CHD3: variants seen among roughly 807,000 people sequenced by gnomAD.
CHD3 encodes the protein ATP-dependent chromatin remodeler CHD3.
CHD3 carries 52 observed loss-of-function variants against 248.9 expected under a neutral mutation model. The ratio of observed to expected loss-of-function variants is 0.21; its 90% CI spans 0.17 to 0.26. CHD3 has a LOEUF of 0.26. Among genes scored for constraint, CHD3 ranks in the 10% least tolerant of loss-of-function variants. The pLI is 1.00. For missense variants in CHD3, 1,482 were observed against 2,605.8 expected (o/e 0.57, Z 9.39); for synonymous variants, 985 against 985.2 (o/e 1.00, Z 0.00).
In CHD3 at chr17:7,906,742, TCTCTGTCCTTCCTCTGC is replaced by T. The variant is rs1971004921; in HGVS notation, c.4503+54_4503+70del. 1 of 1,584,766 alleles carries T rather than the reference TCTCTGTCCTTCCTCTGC, an allele frequency of 6.3e-7. No individual in the cohort carries two copies. The highest frequency in any genetic ancestry group is 1.2e-5 in the South Asian group (1 of 86,172). On this transcript the variant is annotated intron_variant, in intron 29 of 39. Transcript: ENST00000330494. The surrounding 1 kb of genome is among the most constrained non-coding windows in gnomAD (Gnocchi z 5.0). ...CCAAAGAATCAAGCTGGCTGCCTAGTCTCTGTCCTTCCTCTGCCTCTGTCCCTGAGTTGTAAGCTTGC... is the reference window on the plus strand; with the variant it reads ...CCAAAGAATCAAGCTGGCTGCCTAGTCTCTGTCCCTGAGTTGTAAGCTTGC...
chr17:7,884,812 T>C (rs1967484971), upstream of CHD3: 2 of 670,374 alleles, frequency 3.0e-6, no homozygotes, highest in East Asian at 5.0e-5. Context: ...ACAGGATGGC[T>C]TCCCCTCTGA....
chr17:7,900,515 G>A lies in CHD3; in HGVS notation c.2805-43G>A, dbSNP rs1005735392. ...GTGGTAAGTCTGAGATCAGGGGCAAGGAACTTGCCGACCTGTTAATTTTCT... is the reference window on the plus strand; with the variant it reads ...GTGGTAAGTCTGAGATCAGGGGCAAAGAACTTGCCGACCTGTTAATTTTCT... On this transcript the variant is annotated intron_variant, in intron 17 of 39. Transcript: ENST00000330494. This position sits in a 1 kb window ranked among gnomAD's most constrained non-coding sequence, Gnocchi z 6.5. 6.2e-7 allele frequency: 1 copy of A among 1,609,588 alleles called. No individual in the cohort carries two copies. Among genetic ancestry groups the A allele is most frequent in the Non-Finnish European group, 8.5e-7 (1 of 1,176,462 alleles).
At chr17:7,887,002 C>G (rs1274902223), upstream of CHD3, among the ~76,000 whole-genome samples, 1 of 152,136 alleles carries the variant, frequency 6.6e-6, no homozygotes, top group East Asian at 1.9e-4. Flanking sequence ...CCCCTCTCCC[C>G]CTGGGCAATT....
Position 7,897,578 on chromosome 17 carries a change from G to A in CHD3, c.1919+284G>A, listed in dbSNP as rs1969841170. 6.6e-6 allele frequency among the ~76,000 whole-genome samples: 1 copy of A among 152,046 alleles called. No homozygotes were observed. Among genetic ancestry groups the A allele is most frequent in the Non-Finnish European group, 1.5e-5 (1 of 68,016 alleles). On this transcript the variant is annotated intron_variant, in intron 11 of 39. Transcript: ENST00000330494. This position sits in a 1 kb window ranked among gnomAD's most constrained non-coding sequence, Gnocchi z 4.8. The stretch of plus-strand genomic sequence containing the variant: ...GGATGAGGGCATGAAAGCAAAACAT[G>A]AGAGACATAATTCATCCAGACCAGT...
Position 7,888,959 on chromosome 17 carries a change from A to C in CHD3, c.-42A>C. 6.2e-7 allele frequency: 1 copy of C among 1,613,822 alleles called. No homozygotes were observed. Among genetic ancestry groups the C allele is most frequent in the East Asian group, 2.2e-5 (1 of 44,878 alleles). On this transcript the variant is annotated 5_prime_UTR_variant, in exon 1 of 40. Coordinates refer to ENST00000330494, the MANE Select transcript of CHD3 (RefSeq NM_001005273.3). ...GAAGGTAGGTTTTAGGCTACTTGGG[A>C]GGAGGAATATTTAGGTAATTGTGGA... is the stretch of plus-strand genomic sequence containing the variant.
intron 10 of CHD3, among the ~76,000 whole-genome samples, chr17:7,896,179 G>T (rs948552890): frequency 7.5e-5 from 10 of 132,632 alleles, no homozygotes; most frequent in African/African-American, 3.0e-4. Flanking sequence ...AGTGAGCCAA[G>T]ATCGTGTCCC....
At chr17:7,885,559 C>T (rs1278288261), upstream of CHD3, among the ~76,000 whole-genome samples, 1 of 151,088 alleles carries the variant, frequency 6.6e-6, no homozygotes, top group Non-Finnish European at 1.5e-5. Context: ...GGGAGGGGCA[C>T]GTGGGGGAGG....
chr17:7,899,725 C>T lies in CHD3; in HGVS notation c.2545-171C>T, dbSNP rs916662740. 1.7e-4 allele frequency among the ~76,000 whole-genome samples: 26 copies of T among 152,066 alleles called. No homozygotes were observed. Among genetic ancestry groups the T allele is most frequent in the Non-Finnish European group, 2.9e-5 (2 of 68,020 alleles). ...CTCCCAGGGGCATACATGGATCTGTCGGTACTGGAAATGTGGGCAGAGGTT... is the reference window on the plus strand; with the variant it reads ...CTCCCAGGGGCATACATGGATCTGTTGGTACTGGAAATGTGGGCAGAGGTT... On this transcript the variant is annotated intron_variant, in intron 15 of 39. Coordinates refer to ENST00000330494, the MANE Select transcript of CHD3 (RefSeq NM_001005273.3). The surrounding 1 kb of genome is among the most constrained non-coding windows in gnomAD (Gnocchi z 6.8).
At chr17:7,884,950 C>G (rs765541522), upstream of CHD3, 4 of 1,328,956 alleles carry the variant, frequency 3.0e-6, no homozygotes, top group East Asian at 1.0e-4. Context: ...AGGACGACGA[C>G]GAGGGAGTAC....
chr17:7,908,527 A>T lies in CHD3; in HGVS notation c.5261+17A>T. 1 of 1,591,506 alleles carries T rather than the reference A, an allele frequency of 6.3e-7. No homozygotes were observed. Among genetic ancestry groups the T allele is most frequent in the African/African-American group, 1.3e-5 (1 of 74,462 alleles). ...GATTGTCCTGTATCCTTTGATACAC[A>T]TGCAAGAAGGAAAAGGTTCTCTCAA... On this transcript the variant is annotated intron_variant, in intron 35 of 39. Coordinates refer to ENST00000330494, the MANE Select transcript of CHD3 (RefSeq NM_001005273.3). This position sits in a 1 kb window ranked among gnomAD's most constrained non-coding sequence, Gnocchi z 5.8.
chr17:7,900,129 G>C lies in CHD3; in HGVS notation c.2682+96G>C, dbSNP rs1970134989. On this transcript the variant is annotated intron_variant, in intron 16 of 39. Transcript: ENST00000330494. This position sits in a 1 kb window ranked among gnomAD's most constrained non-coding sequence, Gnocchi z 6.5. Reference sequence around the variant, plus strand: ...ACAAAAATTCTGGGGATTTTCTGTAGTCTGGGAGGACGTCCAGGTTGGAAG... The same window carrying C: ...ACAAAAATTCTGGGGATTTTCTGTACTCTGGGAGGACGTCCAGGTTGGAAG... 1 of 1,531,104 alleles carries C rather than the reference G, an allele frequency of 6.5e-7. No homozygotes were observed. Among genetic ancestry groups the C allele is most frequent in the African/African-American group, 1.4e-5 (1 of 72,504 alleles). The allele number at this position is 1,531,104 out of a possible 1,614,324, so 94.8% of individuals were successfully genotyped here.
In CHD3 at chr17:7,889,006, G is replaced by A; in HGVS notation, c.6G>A (p.Lys2=). The stretch of plus-strand genomic sequence containing the variant: ...TGGAGACTTTCTCCTGTGTGATGAA[G>A]GCGGCAGACACTGTGATCCTGTGGG... M[K]AADTVILWAR... Residue 2 remains lysine, a synonymous_variant, in exon 1 of 40, where the codon AAG becomes AAA. Transcript: ENST00000330494. This position sits in a 1 kb window ranked among gnomAD's most constrained non-coding sequence, Gnocchi z 4.5. 1 of 1,614,242 alleles carries A rather than the reference G, an allele frequency of 6.2e-7. No individual in the cohort carries two copies. The highest frequency in any genetic ancestry group is 8.5e-7 in the Non-Finnish European group (1 of 1,180,044).
In CHD3 at chr17:7,888,895, C is replaced by G. The variant is rs538010275; in HGVS notation, c.-106C>G. 5.1e-5 allele frequency: 79 copies of G among 1,556,372 alleles called. No individual in the cohort carries two copies. The East Asian group carries it at 1.7e-3, about 34-fold the overall frequency. On this transcript the variant is annotated 5_prime_UTR_variant, in exon 1 of 40. Coordinates refer to ENST00000330494, the MANE Select transcript of CHD3 (RefSeq NM_001005273.3). ...GATCGGGAAACAAAGGGTATGGCCCCCTAGTTCCCAAAGGGAGCAGGGAGA... is the reference window on the plus strand; with the variant it reads ...GATCGGGAAACAAAGGGTATGGCCCGCTAGTTCCCAAAGGGAGCAGGGAGA...
At position 7,889,394 on chromosome 17, in the gene CHD3, C is replaced by T. The variant is rs1968491047; in HGVS notation, c.101-270C>T. ...GACCTGCCACAGTCAGAGCCCATGGCCTGGAGCCTGGTCTCTTGTTAGTAG... is the reference window on the plus strand; with the variant it reads ...GACCTGCCACAGTCAGAGCCCATGGTCTGGAGCCTGGTCTCTTGTTAGTAG... On this transcript the variant is annotated intron_variant, in intron 1 of 39. Coordinates refer to ENST00000330494, the MANE Select transcript of CHD3 (RefSeq NM_001005273.3). This position sits in a 1 kb window ranked among gnomAD's most constrained non-coding sequence, Gnocchi z 4.5. 6.6e-6 allele frequency among the ~76,000 whole-genome samples: 1 copy of T among 152,226 alleles called. No individual in the cohort carries two copies. Among genetic ancestry groups the T allele is most frequent in the African/African-American group, 2.4e-5 (1 of 41,454 alleles).
At position 7,895,920 on chromosome 17, in the gene CHD3, A is replaced by G. The variant is rs902062773; in HGVS notation, c.1707+378A>G. Among the ~76,000 whole-genome samples the G allele has an allele frequency of 1.3e-5, 2 of 151,796 alleles. No homozygotes were observed. Among genetic ancestry groups the G allele is most frequent in the Non-Finnish European group, 2.9e-5 (2 of 67,944 alleles). On this transcript the variant is annotated intron_variant, in intron 10 of 39. Transcript: ENST00000330494. The surrounding 1 kb of genome is among the most constrained non-coding windows in gnomAD (Gnocchi z 4.9). Reference sequence around the variant, plus strand: ...AGCCTGGGCAACATAGTGAAACCCCATCTCTGTTTAAAAAAAAATTCTCGG... The same window carrying G: ...AGCCTGGGCAACATAGTGAAACCCCGTCTCTGTTTAAAAAAAAATTCTCGG...
At chr17:7,886,627 A>T (rs1379975056), upstream of CHD3, among the ~76,000 whole-genome samples, 5 of 152,016 alleles carry the variant, frequency 3.3e-5, no homozygotes, top group African/African-American at 4.8e-5. This position sits in a 1 kb window ranked among gnomAD's most constrained non-coding sequence, Gnocchi z 4.2. Flanking sequence ...AAAAAGGGTA[A>T]AGTTTTGAAA....
At position 7,904,036 on chromosome 17, in the gene CHD3, C is replaced by T. The variant is rs200329628; in HGVS notation, c.3894+45C>T. ...AGACATTATCTATCCCAGGCCATCT[C>T]CAAAAGGCAGTATCCTTTACTCAGC... On this transcript the variant is annotated intron_variant, in intron 24 of 39. Transcript: ENST00000330494. This position sits in a 1 kb window ranked among gnomAD's most constrained non-coding sequence, Gnocchi z 4.4. 1.5e-4 allele frequency: 243 copies of T among 1,594,774 alleles called. 1 individual carries two copies. The African/African-American group carries it at 2.9e-3, about 19-fold the overall frequency.
chr17:7,911,512 T>C lies in CHD3; in HGVS notation c.5930T>C (p.Val1977Ala). The change falls in exon 40 of 40, where the codon GTG becomes GCG. Residue 1977 changes from valine to alanine, a missense_variant. Val to Ala is a moderately conservative substitution (Grantham distance 64, BLOSUM62 0). Around this residue, in one of 20 missense-constraint regions of CHD3, gnomAD observed 117 missense variants for 137.2 expected, o/e 0.85. Coordinates refer to ENST00000330494, the MANE Select transcript of CHD3 (RefSeq NM_001005273.3). The surrounding 1 kb of genome is among the most constrained non-coding windows in gnomAD (Gnocchi z 5.4). ...PVLVKKEKEM[V>A]GALVSDGLDR... is the part of the protein sequence containing the mutation. ...CTTGTGAAGAAGGAGAAGGAAATGG[T>C]GGGGGCATTGGTGTCAGACGGGCTG... The C allele has an allele frequency of 6.2e-7, 1 of 1,614,064 alleles. No individual in the cohort carries two copies. Among genetic ancestry groups the C allele is most frequent in the Non-Finnish European group, 8.5e-7 (1 of 1,179,992 alleles).
rs1440211421 is a variant in CHD3 at position 7,900,963 on chromosome 17, C to G, written c.3090C>G (p.Asn1030Lys). 1 of 1,614,118 alleles carries G rather than the reference C, an allele frequency of 6.2e-7. No individual in the cohort carries two copies. Among genetic ancestry groups the G allele is most frequent in the South Asian group, 1.1e-5 (1 of 91,088 alleles). Residue 1030 changes from asparagine (N) to lysine (K), a missense_variant, in exon 19 of 40, where the codon AAC (asparagine) becomes AAG (lysine). Physicochemically the swap from Asn to Lys is moderately conservative, Grantham distance 94 (BLOSUM62 0). Around this residue, in one of 20 missense-constraint regions of CHD3, gnomAD observed 36 missense variants for 189.3 expected, o/e 0.19. Coordinates refer to ENST00000330494, the MANE Select transcript of CHD3 (RefSeq NM_001005273.3). The surrounding 1 kb of genome is among the most constrained non-coding windows in gnomAD (Gnocchi z 6.5). ...NIMMDLKKCC[N>K]HPYLFPVAAM... ...TGATGGATCTTAAGAAGTGCTGCAA[C>G]CATCCATACCTTTTTCCCGTGGCTG...
Sources: allele counts gnomAD v4.1 joint callset (sites outside exome capture counted in the v4.1 genomes callset), GRCh38; gene constraint gnomAD v4.1.1; regional missense constraint gnomAD v4.1.1; non-coding constraint Gnocchi (gnomAD v3.1); transcripts MANE v1.5; gene names NCBI Gene and HGNC (gene_info 2026-07-23, HGNC 2026-07-21).